Variants in PTN observed in about 807,000 individuals in gnomAD.
PTN encodes the protein pleiotrophin.
A neutral mutation model predicts 24.1 loss-of-function variants in PTN; 18 were observed. The observed-to-expected ratio is 0.75, with a 90% confidence interval of 0.52 to 1.11. The LOEUF (loss-of-function observed/expected upper bound fraction) is 1.11, where lower values mean the gene tolerates loss of function less well. Ranked by LOEUF, PTN falls within the 50% of genes least tolerant of loss-of-function variation. The probability of loss-of-function intolerance (pLI) is 0.00; values close to 1 mark genes in which losing one functional copy is unlikely to be tolerated. For synonymous variants in PTN, 78 were observed against 68.6 expected (o/e 1.14, Z -0.67); for missense variants, 163 against 198.8 (o/e 0.82, Z 1.08).
chr7:137,241,594 T>C (rs1414156358), intron 4 of PTN, among the ~76,000 whole-genome samples: 3 of 152,152 alleles, frequency 2.0e-5, no homozygotes, highest in Non-Finnish European at 4.4e-5. Flanking sequence ...TTTATAACGA[T>C]CCTATGGTAT....
intron 4 of PTN, among the ~76,000 whole-genome samples, chr7:137,246,399 C>G (rs533471903): frequency 1.3e-5 from 2 of 152,130 alleles, no homozygotes; most frequent in Admixed American, 1.3e-4. Context: ...GATGTTCACA[C>G]GAGAATGAAA....
chr7:137,343,534 T>C lies in PTN; in HGVS notation c.-97A>G, dbSNP rs201968835. ...GTCCAGGTACCCGGCTCGCTGCAGCTCCTGCTTGGGCCGCTGCTGCTCTCC... is the reference window on the plus strand; with the variant it reads ...GTCCAGGTACCCGGCTCGCTGCAGCCCCTGCTTGGGCCGCTGCTGCTCTCC... On this transcript the variant is annotated 5_prime_UTR_variant, in exon 1 of 5. Coordinates refer to ENST00000348225, the MANE Select transcript of PTN (RefSeq NM_002825.7). The C allele has an allele frequency of 4.2e-4, 218 of 518,872 alleles. No individual in the cohort carries two copies. The highest frequency in any genetic ancestry group is 6.5e-4 in the Non-Finnish European group (168 of 259,878). The allele number at this position is 518,872 out of a possible 1,614,324, so 32.1% of individuals were successfully genotyped here.
intron 1 of PTN, among the ~76,000 whole-genome samples, chr7:137,339,160 T>C (rs992273862): frequency 6.6e-6 from 1 of 152,134 alleles, no homozygotes; most frequent in Non-Finnish European, 1.5e-5. Context: ...TCTGTGACTT[T>C]TAAAGCATCT....
chr7:137,259,502 G>A lies in PTN; in HGVS notation c.-1-4528C>T, dbSNP rs533065983. Among the ~76,000 whole-genome samples the A allele has an allele frequency of 7.2e-5, 11 of 152,050 alleles. No individual in the cohort carries two copies. In the East Asian group the frequency reaches 2.1e-3, roughly 29 times the overall value. ...AACAATTACTTGAGAGACTTGTCAT[G>A]AAGATTACAAGATACAGATATAGAA... On this transcript the variant is annotated intron_variant, in intron 1 of 4. Transcript: ENST00000348225.
At chr7:137,267,299 T>C (rs1809169979) in intron 1 of PTN, among the ~76,000 whole-genome samples, 1 of 119,236 alleles carries the variant, frequency 8.4e-6, no homozygotes, top group African/African-American at 3.7e-5. Flanking sequence ...TGTCTTTTCC[T>C]CTCTCTTTGC....
At chr7:137,235,662 G>A (rs1340336950) in intron 4 of PTN, among the ~76,000 whole-genome samples, 1 of 151,892 alleles carries the variant, frequency 6.6e-6, no homozygotes, top group South Asian at 2.1e-4. Flanking sequence ...TTACTTCTAC[G>A]ATATGTGTGG....
chr7:137,299,597 C>G (rs140058629), intron 1 of PTN, among the ~76,000 whole-genome samples: 74 of 151,970 alleles, frequency 4.9e-4, no homozygotes, highest in Admixed American at 1.8e-3. Context: ...GCAGTTATTT[C>G]CAAAGAGGAG....
At chr7:137,272,929 C>A (rs1809299233) in intron 1 of PTN, among the ~76,000 whole-genome samples, 1 of 152,164 alleles carries the variant, frequency 6.6e-6, no homozygotes, top group Non-Finnish European at 1.5e-5. Context: ...CGCTTGAGGT[C>A]CTATTAGAAT....
At chr7:137,278,479 G>A (rs1809408652) in intron 1 of PTN, among the ~76,000 whole-genome samples, 1 of 152,034 alleles carries the variant, frequency 6.6e-6, no homozygotes, top group Admixed American at 6.6e-5. Context: ...TTATTTCACA[G>A]AAATAGTCAT....
At chr7:137,325,014 C>T (rs1295173735) in intron 1 of PTN, among the ~76,000 whole-genome samples, 2 of 152,268 alleles carry the variant, frequency 1.3e-5, no homozygotes, top group African/African-American at 4.8e-5. Flanking sequence ...GTAATAGGCT[C>T]ATCCTGCAGT....
chr7:137,274,820 T>C (rs901590077), intron 1 of PTN, among the ~76,000 whole-genome samples: 4 of 152,228 alleles, frequency 2.6e-5, no homozygotes, highest in Non-Finnish European at 5.9e-5. Flanking sequence ...ATTATAATCA[T>C]GAAGAATTTA....
chr7:137,323,862 G>T (rs533495680), intron 1 of PTN, among the ~76,000 whole-genome samples: 28 of 152,204 alleles, frequency 1.8e-4, no homozygotes, highest in Non-Finnish European at 3.4e-4. Flanking sequence ...ATGCTGCAGA[G>T]CCACCAACTT....
At chr7:137,228,373 T>C (rs1351994488) in intron 4 of PTN, among the ~76,000 whole-genome samples, 1 of 151,808 alleles carries the variant, frequency 6.6e-6, no homozygotes, top group Non-Finnish European at 1.5e-5. Context: ...TGGTTGCCTT[T>C]GTTTGATAGG....
intron 1 of PTN, among the ~76,000 whole-genome samples, chr7:137,265,805 A>G (rs1263150856): frequency 6.6e-6 from 1 of 151,658 alleles, no homozygotes; most frequent in East Asian, 1.9e-4. Context: ...CCAACCAGGC[A>G]TTTGCATCTT....
intron 1 of PTN, among the ~76,000 whole-genome samples, chr7:137,307,331 A>G (rs1394330073): frequency 6.6e-6 from 1 of 152,106 alleles, no homozygotes; most frequent in Non-Finnish European, 1.5e-5. Flanking sequence ...TTCATATTGT[A>G]CTAGTAAAGT....
chr7:137,303,210 C>A (rs2128878847), intron 1 of PTN, among the ~76,000 whole-genome samples: 1 of 152,076 alleles, frequency 6.6e-6, no homozygotes, highest in Middle Eastern at 3.4e-3. Context: ...AGCTCCACAT[C>A]TGAATCACCA....
chr7:137,244,180 A>C (rs928663566), intron 4 of PTN, among the ~76,000 whole-genome samples: 1 of 152,116 alleles, frequency 6.6e-6, no homozygotes, highest in Non-Finnish European at 1.5e-5. Context: ...GACTCTGGTA[A>C]TCATTAAGCA....
intron 1 of PTN, among the ~76,000 whole-genome samples, chr7:137,303,723 T>C (rs1809842200): frequency 6.6e-6 from 1 of 152,000 alleles, no homozygotes; most frequent in South Asian, 2.1e-4. Context: ...CAAATGAGTT[T>C]GAAAAAGCAA....
At chr7:137,314,782 A>G (rs1265436086) in intron 1 of PTN, among the ~76,000 whole-genome samples, 1 of 151,768 alleles carries the variant, frequency 6.6e-6, no homozygotes, top group Middle Eastern at 3.4e-3. Flanking sequence ...TTTAGTATAG[A>G]CGGGCTTTCA....
Sources: gnomAD v4.1 joint callset for allele counts (sites outside exome capture counted in the v4.1 genomes callset) on GRCh38, gnomAD v4.1.1 for gene constraint, MANE v1.5 for transcripts, NCBI Gene and HGNC (gene_info 2026-07-23, HGNC 2026-07-21) for gene names.